MBTPS2: variants seen among roughly 807,000 people sequenced by gnomAD.
The protein encoded by MBTPS2 is membrane-bound transcription factor site-2 protease.
Under a neutral mutation model 35.4 loss-of-function variants are expected in MBTPS2, and 2 were observed. The observed-to-expected ratio is 0.06, with a 90% CI of 0.02 to 0.18. The LOEUF is 0.18. MBTPS2 is among the 10% of genes least tolerant of loss of function. MBTPS2 has a pLI of 1.00. For synonymous variants in MBTPS2, 125 were observed against 140.4 expected, an observed-to-expected ratio of 0.89 and a Z score of 0.77; for missense variants, 244 against 386.5, an observed-to-expected ratio of 0.63 and a Z score of 3.09.
At position 21,883,909 on chromosome X, in the gene MBTPS2, T is replaced by G. The variant is rs766445240; in HGVS notation, c.*1254T>G. The G allele has an allele frequency of 8.8e-4, 658 of 751,900 alleles. No homozygotes were observed. The highest frequency in any genetic ancestry group is 6.0e-3 in the Middle Eastern group (8 of 1,341). 62.0% of individuals were successfully genotyped at this position (751,900 alleles called of 1,213,427 possible). On this transcript the variant is annotated 3_prime_UTR_variant, in exon 11 of 11. Transcript: ENST00000379484. ...GAGTCAGCAGGCCAGTGTGAAGCTATTGGTCCTAGGAGTATATGAGCTTGC... is the reference window on the plus strand; with the variant it reads ...GAGTCAGCAGGCCAGTGTGAAGCTAGTGGTCCTAGGAGTATATGAGCTTGC...
rs201224155 is a variant in MBTPS2 at position 21,864,880 on chromosome X, C to CT, written c.671-3571dup. 6.7e-3 allele frequency among the ~76,000 whole-genome samples: 593 copies of CT among 88,495 alleles called. 6 individuals carry two copies. The highest frequency in any genetic ancestry group is 0.02 in the African/African-American group (501 of 25,084). The allele number at this position is 88,495 out of a possible 115,157, so 76.8% of individuals were successfully genotyped here. A position where few individuals can be genotyped will look rare whatever the true frequency, so the allele number is the denominator to read the frequency against. ...TTTTTCTTTTTTTCTTTCTTTCTTT[C>CT]TTTTTTTTTTTTTTTTCTGAGACAG... On this transcript the variant is annotated intron_variant, in intron 5 of 10. Transcript: ENST00000379484.
At chrX:21,847,593 C>T (rs2092909902) in intron 3 of MBTPS2, among the ~76,000 whole-genome samples, 2 of 112,066 alleles carry the variant, frequency 1.8e-5, no homozygotes, top group Non-Finnish European at 1.9e-5. Context: ...TATTATCACA[C>T]ATTCAAATTC....
At chrX:21,873,686 G>A (rs371720547) in intron 7 of MBTPS2, among the ~76,000 whole-genome samples, 1 of 109,903 alleles carries the variant, frequency 9.1e-6, no homozygotes, top group African/African-American at 3.3e-5. Context: ...AGGAGGTGAG[G>A]GTTTATGCCC....
rs1490654714 is a variant in MBTPS2 at position 21,856,416 on chromosome X, A to G, written c.670+2913A>G. ...GCTCGCCCCTTCCTCTGCAGCTCCC[A>G]CCTCACTCCCCTCAGCGTTCTTTTT... On this transcript the variant is annotated intron_variant, in intron 5 of 10. Coordinates refer to ENST00000379484, the MANE Select transcript of MBTPS2 (RefSeq NM_015884.4). 3.6e-6 allele frequency: 4 copies of G among 1,102,572 alleles called. No individual in the cohort carries two copies. The African/African-American group carries it at 7.7e-5, about 21-fold the overall frequency. 90.9% of individuals were successfully genotyped at this position (1,102,572 alleles called of 1,213,427 possible).
chrX:21,882,701 A>G lies in MBTPS2; in HGVS notation c.*46A>G. On this transcript the variant is annotated 3_prime_UTR_variant, in exon 11 of 11. Coordinates refer to ENST00000379484, the MANE Select transcript of MBTPS2 (RefSeq NM_015884.4). ...AATCCCTGAGTTACAGTATACAGCT[A>G]TGTGGTAATATTCATTGCCATTGAA... The G allele has an allele frequency of 8.3e-7, 1 of 1,205,260 alleles. No homozygotes were observed. The highest frequency in any genetic ancestry group is 1.1e-6 in the Non-Finnish European group (1 of 890,875).
chrX:21,881,095 A>C, intron 10 of MBTPS2, 123 bp downstream of exon 10: 1 of 540,259 alleles, frequency 1.9e-6, no homozygotes, highest in Non-Finnish European at 3.3e-6. Context: ...AACAACTAAA[A>C]AAGAGTCTTG....
intron 9 of MBTPS2, among the ~76,000 whole-genome samples, chrX:21,879,233 C>T (rs981647672): frequency 2.7e-5 from 3 of 111,547 alleles, no homozygotes; most frequent in East Asian, 2.8e-4. Flanking sequence ...GTTTACCATG[C>T]GATTTACCCA....
chrX:21,874,626 T>C (rs778999200), intron 7 of MBTPS2, among the ~76,000 whole-genome samples: 1 of 111,797 alleles, frequency 8.9e-6, no homozygotes, highest in African/African-American at 3.2e-5. Context: ...CGGGCTCATC[T>C]TAGGGTACAT....
intron 6 of MBTPS2, 82 bp downstream of exon 6, chrX:21,868,667 A>G (rs2092943529): frequency 7.5e-6 from 5 of 667,659 alleles, no homozygotes; most frequent in Non-Finnish European, 1.2e-5. Flanking sequence ...CTTTTATTCA[A>G]GATCTCTTCA....
At chrX:21,879,983 C>T (rs1262273794) in intron 9 of MBTPS2, among the ~76,000 whole-genome samples, 4 of 38,642 alleles carry the variant, frequency 1.0e-4, no homozygotes, top group African/African-American at 3.2e-4. Flanking sequence ...GACGGAGTTT[C>T]GCTCTTGTTG....
At chrX:21,861,494 AT>A (rs2092931262) in intron 5 of MBTPS2, among the ~76,000 whole-genome samples, 1 of 111,797 alleles carries the variant, frequency 8.9e-6, no homozygotes, top group Non-Finnish European at 1.9e-5. Context: ...TGTAGCAGAT[AT>A]AATGAGATTG....
At chrX:21,851,361 A>T in intron 3 of MBTPS2, 148 bp from the exon 4 acceptor site, 1 of 506,059 alleles carries the variant, frequency 2.0e-6, no homozygotes, top group East Asian at 3.5e-5. Context: ...ATAGAAATGG[A>T]GAAGTGAACC....
chrX:21,872,285 G>A (rs2092948132), intron 7 of MBTPS2: 1 of 111,822 alleles, frequency 8.9e-6, no homozygotes, highest in Admixed American at 9.6e-5. Context: ...GTTTTACTTA[G>A]GATATCTGCA....
intron 5 of MBTPS2, among the ~76,000 whole-genome samples, chrX:21,862,935 T>TATATATATAAAC (rs1209788961): frequency 4.4e-5 from 1 of 22,901 alleles, no homozygotes; most frequent in African/African-American, 5.7e-4. Context: ...TATATAAACA[T>TATATATATAAAC]ATATATATAT....
chrX:21,858,469 C>T (rs1351674834), intron 5 of MBTPS2: 1 of 123,023 alleles, frequency 8.1e-6, no homozygotes, highest in African/African-American at 3.3e-5. Context: ...TATATCAGTA[C>T]AGAAGTTAGA....
intron 5 of MBTPS2, chrX:21,858,442 G>A (rs1281721294): frequency 8.1e-6 from 1 of 123,216 alleles, no homozygotes; most frequent in Non-Finnish European, 1.9e-5. Flanking sequence ...TCTAAAGAAG[G>A]AAAAAAGTAG....
Position 21,868,561 on chromosome X carries a change from G to A in MBTPS2, c.765G>A (p.Gly255=). ...TGCCATTTTACTACACTGGAGTTGG[G>A]GTGCTCATCACTGAAGTTGCTGAGG... The part of the protein sequence containing the change: ...ILLPFYYTGV[G]VLITEVAEDS... The change falls in exon 6 of 11, where the codon GGG becomes GGA. Residue 255 remains glycine, a synonymous_variant. Transcript: ENST00000379484. 8.3e-7 allele frequency: 1 copy of A among 1,201,756 alleles called. No homozygotes were observed. Among genetic ancestry groups the A allele is most frequent in the Non-Finnish European group, 1.1e-6 (1 of 886,508 alleles).
chrX:21,864,801 G>A (rs779134508), intron 5 of MBTPS2, among the ~76,000 whole-genome samples: 4 of 110,917 alleles, frequency 3.6e-5, no homozygotes, highest in Non-Finnish European at 7.6e-5. Context: ...CCAGCTGGAT[G>A]ACAGAGTGAG....
chrX:21,843,131 T>C (rs776536920), intron 1 of MBTPS2, 39 bp from the exon 2 acceptor site: 4 of 1,126,412 alleles, frequency 3.6e-6, no homozygotes. Flanking sequence ...AAATTGTTCT[T>C]CAAAATTGAG....
Sources: allele counts gnomAD v4.1 joint callset (sites outside exome capture counted in the v4.1 genomes callset), GRCh38; gene constraint gnomAD v4.1.1; transcripts MANE v1.5; gene names NCBI Gene and HGNC (gene_info 2026-07-23, HGNC 2026-07-21).